Variants in AGMO observed in about 807,000 individuals in gnomAD.
AGMO encodes the protein glyceryl-ether monooxygenase.
AGMO carries 75 observed loss-of-function variants against 60.2 expected under a neutral mutation model. The observed-to-expected ratio is 1.25, with a 90% CI of 1.03 to 1.51. The LOEUF (loss-of-function observed/expected upper bound fraction) is 1.51, where lower values mean the gene tolerates loss of function less well. Ranked by LOEUF, AGMO falls within the 40% of genes most tolerant of loss-of-function variation. The pLI is 0.00. For missense variants in AGMO, 763 were observed against 525.5 expected, an observed-to-expected ratio of 1.45 and a Z score of -4.42; for synonymous variants, 261 against 177.1, an observed-to-expected ratio of 1.47 and a Z score of -3.76.
chr7:15,123,335 T>C, the AGMO span, among the ~76,000 whole-genome samples: 5 of 152,108 alleles, frequency 3.3e-5, no homozygotes, highest in South Asian at 2.1e-4. Context: ...ATTAAGTATG[T>C]TGCACCTTTG....
chr7:15,489,869 G>C (rs995085225), intron 3 of AGMO, among the ~76,000 whole-genome samples: 1 of 152,024 alleles, frequency 6.6e-6, no homozygotes, highest in Admixed American at 6.5e-5. Flanking sequence ...TAATAACAAA[G>C]GTAACAATAT....
chr7:15,258,348 G>A (rs995053508), intron 12 of AGMO, among the ~76,000 whole-genome samples: 1 of 151,324 alleles, frequency 6.6e-6, no homozygotes, highest in African/African-American at 2.4e-5. Context: ...TTTTCCTTTA[G>A]TTTTTAGATA....
intron 3 of AGMO, among the ~76,000 whole-genome samples, chr7:15,494,850 G>A (rs17150113): frequency 0.61 from 93,287 of 152,102 alleles, 30,050 homozygotes; most frequent in East Asian, 0.96. Flanking sequence ...CTTCTCTCTC[G>A]CAAGCCTGTT....
At chr7:15,226,428 C>G (rs763835532) in intron 12 of AGMO, among the ~76,000 whole-genome samples, 1 of 152,038 alleles carries the variant, frequency 6.6e-6, no homozygotes, top group Non-Finnish European at 1.5e-5. Flanking sequence ...AAAGGACATT[C>G]TGTGTTGATT....
chr7:15,339,617 C>T (rs1002904872), intron 12 of AGMO, among the ~76,000 whole-genome samples: 1 of 152,094 alleles, frequency 6.6e-6, no homozygotes, highest in Non-Finnish European at 1.5e-5. Flanking sequence ...TCAGGGCAGT[C>T]CCATTGAAGA....
the AGMO span, among the ~76,000 whole-genome samples, chr7:15,168,511 T>G: frequency 1.3e-5 from 2 of 152,146 alleles, no homozygotes; most frequent in African/African-American, 4.8e-5. Context: ...AAGACGGGAA[T>G]TGTGGAGAGG....
At chr7:15,557,238 T>C (rs979373505) in intron 2 of AGMO, among the ~76,000 whole-genome samples, 1 of 152,134 alleles carries the variant, frequency 6.6e-6, no homozygotes, top group East Asian at 1.9e-4. Flanking sequence ...TCCACTTCTT[T>C]TGTCAGAGGC....
intron 3 of AGMO, among the ~76,000 whole-genome samples, chr7:15,533,991 A>G (rs535601490): frequency 3.2e-4 from 49 of 152,224 alleles, no homozygotes; most frequent in African/African-American, 1.1e-3. Context: ...TCGAGAGAAT[A>G]AAACTATATA....
At chr7:15,254,793 A>G (rs914357027) in intron 12 of AGMO, among the ~76,000 whole-genome samples, 1 of 152,132 alleles carries the variant, frequency 6.6e-6, no homozygotes, top group African/African-American at 2.4e-5. Flanking sequence ...AGGGGACATT[A>G]CAACTGATAC....
chr7:15,415,621 T>C (rs1280086772), intron 5 of AGMO, among the ~76,000 whole-genome samples: 1 of 152,114 alleles, frequency 6.6e-6, no homozygotes, highest in African/African-American at 2.4e-5. Context: ...TACATTTCTC[T>C]ACTCAAGCAT....
intron 12 of AGMO, chr7:15,358,317 G>C (rs554821566): frequency 1.4e-5 from 6 of 430,626 alleles, no homozygotes; most frequent in African/African-American, 1.2e-4. Context: ...AAATGGCTGA[G>C]GCAGCAAATT....
Position 15,365,528 on chromosome 7 carries a change from A to AC in AGMO, c.1248dup (p.Ser417ValfsTer5). ...AAATGTCTTACCTCAAAAGCAGATG[A>AC]CAATGAAGGGACAAGAGGCTTCAGG... On this transcript the variant is annotated frameshift_variant, in exon 12 of 13. Transcript: ENST00000342526. LOFTEE classifies it high-confidence loss of function. The AC allele has an allele frequency of 6.2e-7, 1 of 1,612,000 alleles. No individual in the cohort carries two copies. The highest frequency in any genetic ancestry group is 8.5e-7 in the Non-Finnish European group (1 of 1,178,372).
chr7:15,433,834 A>G (rs1346303450), intron 3 of AGMO, among the ~76,000 whole-genome samples: 3 of 151,992 alleles, frequency 2.0e-5, no homozygotes, highest in Non-Finnish European at 4.4e-5. Flanking sequence ...GCTGCTTTCT[A>G]GTGCCAAATG....
At chr7:15,543,246 T>C (rs777429094) in intron 3 of AGMO, among the ~76,000 whole-genome samples, 1 of 152,172 alleles carries the variant, frequency 6.6e-6, no homozygotes, top group Non-Finnish European at 1.5e-5. Context: ...TACTTTGGCA[T>C]GCTTTTTTCT....
chr7:15,328,875 T>C (rs559781135), intron 12 of AGMO, among the ~76,000 whole-genome samples: 1 of 152,198 alleles, frequency 6.6e-6, no homozygotes, highest in Non-Finnish European at 1.5e-5. Context: ...ACCACAATGA[T>C]TTTCCATTTC....
At chr7:15,395,925 G>T (rs1322057750) in intron 5 of AGMO, 1 of 152,038 alleles carries the variant, frequency 6.6e-6, no homozygotes, top group East Asian at 1.9e-4. Flanking sequence ...TCAGCTTGTG[G>T]CATCACATCC....
chr7:15,366,489 T>A (rs368326290), intron 10 of AGMO, among the ~76,000 whole-genome samples: 2 of 152,036 alleles, frequency 1.3e-5, no homozygotes, highest in Non-Finnish European at 2.9e-5. Context: ...CTTTAAAGTT[T>A]TGACTTTTAT....
At chr7:15,179,462 A>G in the AGMO span, among the ~76,000 whole-genome samples, 2 of 152,174 alleles carry the variant, frequency 1.3e-5, no homozygotes, top group Admixed American at 1.3e-4. Context: ...TCAAGTAAGT[A>G]AAAAACCTAA....
chr7:15,369,569 A>G (rs1377967342), intron 10 of AGMO, among the ~76,000 whole-genome samples: 1 of 152,032 alleles, frequency 6.6e-6, no homozygotes, highest in Non-Finnish European at 1.5e-5. Context: ...GTCTCTATTC[A>G]AATACATGTC....
Sources: gnomAD v4.1 joint callset for allele counts (sites outside exome capture counted in the v4.1 genomes callset) on GRCh38, gnomAD v4.1.1 for gene constraint, MANE v1.5 for transcripts, NCBI Gene and HGNC (gene_info 2026-07-23, HGNC 2026-07-21) for gene names.